The following USP30 variants were observed in gnomAD, a reference collection of about 807,000 sequenced individuals.
USP30 encodes ubiquitin carboxyl-terminal hydrolase 30.
A neutral mutation model predicts 68.2 loss-of-function variants in USP30; 41 were observed. The observed-to-expected ratio is 0.60, with a 90% CI of 0.47 to 0.78. The LOEUF (loss-of-function observed/expected upper bound fraction) is 0.78, where lower values mean the gene tolerates loss of function less well. USP30 is among the 30% of genes least tolerant of loss of function. The pLI, the probability that USP30 is intolerant of heterozygous loss-of-function variation, is 0.00. For missense variants in USP30, 522 were observed against 649.4 expected (o/e 0.80, Z 2.13); for synonymous variants, 229 against 253.7 (o/e 0.90, Z 0.93).
At chr12:109,061,554 A>G (rs2135733613) in intron 3 of USP30, among the ~76,000 whole-genome samples, 1 of 151,758 alleles carries the variant, frequency 6.6e-6, no homozygotes, top group Admixed American at 6.6e-5. Flanking sequence ...GACTACAGGC[A>G]CATGCCACCA....
chr12:109,038,742 G>A (rs916437089), intron 3 of USP30, among the ~76,000 whole-genome samples: 5 of 152,156 alleles, frequency 3.3e-5, no homozygotes, highest in African/African-American at 1.2e-4. Context: ...AGCAACGTAT[G>A]ATATCCAGTT....
chr12:109,036,272 T>C (rs1373300963), intron 3 of USP30, among the ~76,000 whole-genome samples: 6 of 152,142 alleles, frequency 3.9e-5, no homozygotes, highest in African/African-American at 1.4e-4. Flanking sequence ...CCTTTCATTT[T>C]AGCCCAAAAT....
In USP30 at chr12:109,082,920, C is replaced by G. The variant is rs767094298; in HGVS notation, c.1026C>G (p.His342Gln). ...SHGTPLKRHE[H>Q]VQFNEFLMMD... ...GCACGCCTCTGAAGCGGCATGAGCA[C>G]GTGCAGTTCAATGAGTTCCTGATGA... Residue 342 changes from histidine (H) to glutamine (Q), a missense_variant, in exon 11 of 13, where the codon CAC (histidine) becomes CAG (glutamine). His to Gln is a conservative substitution (Grantham distance 24). Coordinates refer to ENST00000257548, the MANE Select transcript of USP30 (RefSeq NM_032663.5). 6.2e-7 allele frequency: 1 copy of G among 1,614,118 alleles called. No homozygotes were observed. Among genetic ancestry groups the G allele is most frequent in the Non-Finnish European group, 8.5e-7 (1 of 1,180,056 alleles).
At position 109,054,287 on chromosome 12, in the gene USP30, G is replaced by A. The variant is rs148697799; in HGVS notation, c.83+1526G>A. On this transcript the variant is annotated intron_variant, in intron 1 of 12. Coordinates refer to ENST00000257548, the MANE Select transcript of USP30 (RefSeq NM_032663.5). ...TGTAATCCCAGCTCTTTGGAAGGCTGAGGCAGGTGGATTTCTTGAGCTCAG... is the reference window on the plus strand; with the variant it reads ...TGTAATCCCAGCTCTTTGGAAGGCTAAGGCAGGTGGATTTCTTGAGCTCAG... Among the ~76,000 whole-genome samples, 16 of 152,288 alleles carry A rather than the reference G, an allele frequency of 1.1e-4. No homozygotes were observed. In the East Asian group the frequency reaches 3.1e-3, roughly 29 times the overall value.
intron 1 of USP30, among the ~76,000 whole-genome samples, chr12:109,055,649 G>C (rs980148300): frequency 2.0e-5 from 3 of 148,272 alleles, no homozygotes; most frequent in African/African-American, 7.4e-5. Context: ...CGCCCACCTC[G>C]GCCTCCCAAA....
At chr12:109,048,614 C>T (rs1483762572), upstream of USP30, among the ~76,000 whole-genome samples, 1 of 151,668 alleles carries the variant, frequency 6.6e-6, no homozygotes, top group Non-Finnish European at 1.5e-5. Flanking sequence ...GTGGCACGCA[C>T]CTGAAGTCCC....
In USP30 at chr12:109,086,541, G is replaced by A. The variant is rs1038019016; in HGVS notation, c.*610G>A. 3.3e-5 allele frequency: 5 copies of A among 152,382 alleles called. No individual in the cohort carries two copies. Among genetic ancestry groups the A allele is most frequent in the African/African-American group, 1.2e-4 (5 of 41,410 alleles). The allele number at this position is 152,382 out of a possible 1,614,324, so 9.4% of individuals were successfully genotyped here. ...TTTCAATTCTTTCTATGGAGTAAAG[G>A]CTCATCTGCCAAATCTGCCCCCTGG... On this transcript the variant is annotated 3_prime_UTR_variant, in exon 13 of 13. Coordinates refer to ENST00000257548, the MANE Select transcript of USP30 (RefSeq NM_032663.5).
rs376574080 is a variant in USP30, at chr12:109,058,086, A to T, written c.354A>T (p.Leu118Phe). 34 of 1,612,578 alleles carry T rather than the reference A, an allele frequency of 2.1e-5. No individual in the cohort carries two copies. The Admixed American group carries it at 5.2e-4, about 25-fold the overall frequency. ...KEPPSHQYLS[L>F]TLLHLLKALS... Reference sequence around the variant, plus strand: ...CCCCCTCACACCAGTATTTATCCTTAACACTCTTGCACCTTCTGAAAGGTA... The same window carrying T: ...CCCCCTCACACCAGTATTTATCCTTTACACTCTTGCACCTTCTGAAAGGTA... The change falls in exon 3 of 13, where the codon TTA becomes TTT. Residue 118 changes from leucine (L) to phenylalanine (F), a missense_variant. Coordinates refer to ENST00000257548, the MANE Select transcript of USP30 (RefSeq NM_032663.5).
chr12:109,028,203 T>A lies in USP30; in HGVS notation c.-136+647T>A, dbSNP rs188537213. Among the ~76,000 whole-genome samples the A allele has an allele frequency of 2.0e-5, 3 of 152,394 alleles. No individual in the cohort carries two copies. The East Asian group carries it at 5.8e-4, about 29-fold the overall frequency. ...CTATGCAAGCCCCTCACTCATTTTT[T>A]AATTGAATTGTTCGGGGATTTTTGC... On this transcript the variant is annotated intron_variant, in intron 3 of 15. Coordinates refer to the USP30 transcript ENST00000392784.
intron 3 of USP30, among the ~76,000 whole-genome samples, chr12:109,041,707 T>A (rs1225208092): frequency 1.3e-5 from 2 of 152,092 alleles, no homozygotes; most frequent in East Asian, 3.8e-4. Context: ...ATAAATTAGA[T>A]GATGCCTATT....
chr12:109,064,560 G>A lies in USP30; in HGVS notation c.377-2964G>A, dbSNP rs12321746. ...CTCCCAGAGTGCTGGGATTACAGGCGTAGACCACTGCACCTGGCCTCATTC... is the reference window on the plus strand; with the variant it reads ...CTCCCAGAGTGCTGGGATTACAGGCATAGACCACTGCACCTGGCCTCATTC... On this transcript the variant is annotated intron_variant, in intron 3 of 12. Coordinates refer to ENST00000257548, the MANE Select transcript of USP30 (RefSeq NM_032663.5). 5.2e-3 allele frequency among the ~76,000 whole-genome samples: 787 copies of A among 152,296 alleles called. 11 individuals carry two copies. Among genetic ancestry groups the A allele is most frequent in the African/African-American group, 0.017 (700 of 41,564 alleles).
At chr12:109,056,881 C>G in intron 2 of USP30, 90 bp downstream of exon 2, 1 of 814,464 alleles carries the variant, frequency 1.2e-6, no homozygotes, top group East Asian at 2.8e-5. Context: ...GGAGGTTGGT[C>G]ATATTTGTTC....
chr12:109,035,168 C>T (rs1191622327), intron 3 of USP30, among the ~76,000 whole-genome samples: 1 of 151,900 alleles, frequency 6.6e-6, no homozygotes, highest in Non-Finnish European at 1.5e-5. Context: ...TTACTATTTG[C>T]TTTCAATATG....
At chr12:109,029,518 A>C (rs1566074285) in intron 3 of USP30, among the ~76,000 whole-genome samples, 1 of 152,190 alleles carries the variant, frequency 6.6e-6, no homozygotes, top group African/African-American at 2.4e-5. Flanking sequence ...GTGCACCTAA[A>C]GGGAAAGGAA....
At chr12:109,076,695 T>C (rs944332522) in intron 7 of USP30, among the ~76,000 whole-genome samples, 1 of 152,024 alleles carries the variant, frequency 6.6e-6, no homozygotes, top group Admixed American at 6.6e-5. Context: ...TTTAGTCTTA[T>C]TCTGTTGACT....
In USP30 at chr12:109,040,683, G is replaced by T. The variant is rs188415207; in HGVS notation, c.-135-6907G>T. Among the ~76,000 whole-genome samples, 319 of 152,320 alleles carry T rather than the reference G, an allele frequency of 2.1e-3. 2 individuals are homozygous for T. Among genetic ancestry groups the T allele is most frequent in the African/African-American group, 7.5e-3 (311 of 41,584 alleles). On this transcript the variant is annotated intron_variant, in intron 3 of 15. Transcript: ENST00000392784. The stretch of plus-strand genomic sequence containing the variant: ...TCACGTGATTGGCAAGTTGGTAATG[G>T]CTGTTGGCAGAAGGCCTCAGTTCCT...
chr12:109,050,949 C>T (rs1388266445), upstream of USP30, among the ~76,000 whole-genome samples: 1 of 151,824 alleles, frequency 6.6e-6, no homozygotes, highest in Non-Finnish European at 1.5e-5. Context: ...GAGATCGTGC[C>T]ATTGCACTGC....
rs776952861 is a variant in USP30, at chr12:109,085,656, G to T, written c.1290-11G>T. On this transcript the variant is annotated splice_polypyrimidine_tract_variant and intron_variant, in intron 12 of 12. Transcript: ENST00000257548. ...AATTGTAAACCCCTGACATGTGTTC[G>T]TATCATTCAGCTCCTCCACATACCT... 2 of 1,613,176 alleles carry T rather than the reference G, an allele frequency of 1.2e-6. No individual in the cohort carries two copies. The highest frequency in any genetic ancestry group is 2.2e-5 in the South Asian group (2 of 91,062).
intron 1 of USP30, among the ~76,000 whole-genome samples, chr12:109,024,073 G>A (rs1302310054): frequency 6.6e-6 from 1 of 152,118 alleles, no homozygotes; most frequent in Non-Finnish European, 1.5e-5. Context: ...CTCTTCCTGG[G>A]TGGGTAACCT....
Sources: allele counts gnomAD v4.1 joint callset (sites outside exome capture counted in the v4.1 genomes callset), GRCh38; gene constraint gnomAD v4.1.1; transcripts MANE v1.5; gene names NCBI Gene and HGNC (gene_info 2026-07-23, HGNC 2026-07-21).